The following ANKRD12 variants were observed in gnomAD, a reference collection of about 807,000 sequenced individuals.
ANKRD12 encodes ankyrin repeat domain-containing protein 12.
A neutral mutation model predicts 183.4 loss-of-function variants in ANKRD12; 85 were observed. That is an observed-to-expected ratio of 0.46 (90% CI 0.39 to 0.56). ANKRD12 has a LOEUF of 0.56. Ranked by LOEUF, ANKRD12 falls within the 20% of genes least tolerant of loss-of-function variation. The pLI, the probability that ANKRD12 is intolerant of heterozygous loss-of-function variation, is 0.00. For missense variants in ANKRD12, 2,405 were observed against 2,357.1 expected (o/e 1.02, Z -0.42); for synonymous variants, 914 against 800.2 (o/e 1.14, Z -2.40).
intron 2 of ANKRD12, among the ~76,000 whole-genome samples, chr18:9,184,257 T>A (rs2033894527): frequency 6.6e-6 from 1 of 152,258 alleles, no homozygotes; most frequent in Admixed American, 6.5e-5. Flanking sequence ...GATTTTGGTG[T>A]TCTTAATTTC....
At chr18:9,156,247 A>T (rs747599945) in intron 1 of ANKRD12, among the ~76,000 whole-genome samples, 1 of 150,750 alleles carries the variant, frequency 6.6e-6, no homozygotes, top group East Asian at 1.9e-4. Context: ...TAATTTTTAT[A>T]TTTTTTTTGT....
intron 2 of ANKRD12, among the ~76,000 whole-genome samples, chr18:9,184,793 T>C (rs2033936284): frequency 6.6e-6 from 1 of 152,218 alleles, no homozygotes; most frequent in Non-Finnish European, 1.5e-5. Flanking sequence ...CAATCAATTT[T>C]AGAAGTTTCA....
chr18:9,219,218 G>A (rs2036282764), intron 7 of ANKRD12, among the ~76,000 whole-genome samples: 1 of 152,060 alleles, frequency 6.6e-6, no homozygotes, highest in Non-Finnish European at 1.5e-5. Flanking sequence ...ATTCCTGATG[G>A]GGATAGAAAG....
intron 2 of ANKRD12, among the ~76,000 whole-genome samples, chr18:9,187,036 C>T (rs1010075462): frequency 2.0e-5 from 3 of 152,164 alleles, no homozygotes; most frequent in Admixed American, 6.5e-5. Flanking sequence ...GCTGGGATTA[C>T]AGGCGTGAGC....
intron 2 of ANKRD12, among the ~76,000 whole-genome samples, chr18:9,192,028 AC>A (rs1160982603): frequency 1.3e-5 from 2 of 151,812 alleles, no homozygotes; most frequent in East Asian, 1.9e-4. Context: ...TTGACCAACC[AC>A]CCTGGTACTT....
At chr18:9,277,829 G>T (rs2039926510) in intron 11 of ANKRD12, among the ~76,000 whole-genome samples, 2 of 152,026 alleles carry the variant, frequency 1.3e-5, no homozygotes, top group Non-Finnish European at 1.5e-5. Flanking sequence ...AGGTTAAAAA[G>T]AGAATTTAAA....
rs1465566211 is a variant in ANKRD12 at position 9,284,744 on chromosome 18, G to A, written c.*3618G>A. ...AGTAGAATTCATAGAAAAAACTGAG[G>A]CAAATTAAAACAATTCCATTAATCA... On this transcript the variant is annotated 3_prime_UTR_variant, in exon 13 of 13. Transcript: ENST00000262126. The A allele has an allele frequency of 4.0e-5, 6 of 151,640 alleles. No individual in the cohort carries two copies. The highest frequency in any genetic ancestry group is 8.8e-5 in the Non-Finnish European group (6 of 67,960). The allele number at this position is 151,640 out of a possible 1,614,324, so 9.4% of individuals were successfully genotyped here.
intron 12 of ANKRD12, 42 bp downstream of exon 12, chr18:9,279,686 TTC>T: frequency 3.4e-6 from 4 of 1,168,818 alleles, no homozygotes; most frequent in South Asian, 1.4e-5. Flanking sequence ...TGCTTCCCCC[TTC>T]TTAAAAAAAA....
intron 3 of ANKRD12, 65 bp downstream of exon 3, chr18:9,195,763 G>A (rs923817596): frequency 2.0e-6 from 3 of 1,468,340 alleles, no homozygotes; most frequent in African/African-American, 2.8e-5. Flanking sequence ...TTTGTTTCTT[G>A]TACACCACTC....
intron 1 of ANKRD12, among the ~76,000 whole-genome samples, chr18:9,162,701 C>T (rs1292544854): frequency 6.6e-6 from 1 of 152,194 alleles, no homozygotes; most frequent in African/African-American, 2.4e-5. Context: ...TTCTCCACAA[C>T]CTCGCCAGCG....
At chr18:9,206,576 C>T (rs1476297013) in intron 4 of ANKRD12, among the ~76,000 whole-genome samples, 11 of 152,012 alleles carry the variant, frequency 7.2e-5, no homozygotes, top group Admixed American at 7.2e-4. Flanking sequence ...TGTTTTCTTA[C>T]TTTGCTGTCT....
intron 8 of ANKRD12, among the ~76,000 whole-genome samples, chr18:9,241,891 GT>G (rs200351682): frequency 0.013 from 1,760 of 138,596 alleles, 27 homozygotes; most frequent in African/African-American, 0.04. Flanking sequence ...ATTCCAGGTA[GT>G]TTTTTTTTTT....
intron 2 of ANKRD12, among the ~76,000 whole-genome samples, chr18:9,187,508 A>G (rs895850010): frequency 1.3e-5 from 2 of 152,326 alleles, no homozygotes; most frequent in African/African-American, 4.8e-5. Flanking sequence ...CTAAATTAAT[A>G]AAATAACCTA....
intron 8 of ANKRD12, among the ~76,000 whole-genome samples, chr18:9,223,347 G>A (rs1000996586): frequency 6.6e-6 from 1 of 151,446 alleles, no homozygotes; most frequent in Non-Finnish European, 1.5e-5. Flanking sequence ...TCCGCCTCCC[G>A]GGTTCATGCC....
intron 10 of ANKRD12, among the ~76,000 whole-genome samples, chr18:9,265,767 C>T (rs761630025): frequency 8.5e-5 from 13 of 152,080 alleles, no homozygotes; most frequent in Admixed American, 1.3e-4. Context: ...CAAAGCTGGA[C>T]GGATAATGAC....
intron 7 of ANKRD12, among the ~76,000 whole-genome samples, chr18:9,219,358 A>G (rs1300744459): frequency 6.6e-6 from 1 of 152,226 alleles, no homozygotes; most frequent in Non-Finnish European, 1.5e-5. Context: ...TAATGACTAG[A>G]AGATTTTTAT....
At chr18:9,275,790 AAAAC>A in intron 11 of ANKRD12, 123 bp downstream of exon 11, 2 of 1,007,312 alleles carry the variant, frequency 2.0e-6, no homozygotes, top group Non-Finnish European at 1.4e-6. Flanking sequence ...AAGAAGAAAA[AAAAC>A]TCTTTCAAGC....
intron 9 of ANKRD12, among the ~76,000 whole-genome samples, chr18:9,263,157 A>G (rs970800374): frequency 6.6e-6 from 1 of 152,128 alleles, no homozygotes; most frequent in Non-Finnish European, 1.5e-5. Flanking sequence ...CTTAACCTCC[A>G]GCATCTACCG....
chr18:9,207,618 A>G (rs1431057328), intron 4 of ANKRD12, among the ~76,000 whole-genome samples: 1 of 151,950 alleles, frequency 6.6e-6, no homozygotes, highest in African/African-American at 2.4e-5. Context: ...GCTGCTCTTC[A>G]TATCTGCTTG....
Sources: gnomAD v4.1 joint callset for allele counts (sites outside exome capture counted in the v4.1 genomes callset) on GRCh38, gnomAD v4.1.1 for gene constraint, MANE v1.5 for transcripts, NCBI Gene and HGNC (gene_info 2026-07-23, HGNC 2026-07-21) for gene names.